ADAMTSL3: variants seen among roughly 807,000 people sequenced by gnomAD.
ADAMTSL3 encodes the protein ADAMTS-like protein 3.
In ADAMTSL3, 128 loss-of-function variants were observed where a neutral mutation model predicts 201.7. The observed-to-expected ratio is 0.63, with a 90% confidence interval of 0.55 to 0.73. The LOEUF is 0.73. Among genes scored for constraint, ADAMTSL3 ranks in the 30% least tolerant of loss-of-function variants. The pLI, the probability that ADAMTSL3 is intolerant of heterozygous loss-of-function variation, is 0.00. For synonymous variants in ADAMTSL3, 738 were observed against 748.4 expected (o/e 0.99, Z 0.23); for missense variants, 1,990 against 2,119.6 (o/e 0.94, Z 1.20).
At position 83,870,843 on chromosome 15, in the gene ADAMTSL3, A is replaced by C. The variant is rs776548526; in HGVS notation, c.844A>C (p.Ser282Arg). 2 of 1,611,450 alleles carry C rather than the reference A, an allele frequency of 1.2e-6. No homozygotes were observed. The highest frequency in any genetic ancestry group is 1.7e-6 in the Non-Finnish European group (2 of 1,179,268). ...ACTTCAAGGAAGCAAAGGAGAACACAGCTTTAACAGCCCCGGCGTCTTTCT... is the reference window on the plus strand; with the variant it reads ...ACTTCAAGGAAGCAAAGGAGAACACCGCTTTAACAGCCCCGGCGTCTTTCT... ...KTLQGSKGEH[S>R]FNSPGVFLVE... The change falls in exon 9 of 30, where the codon AGC becomes CGC. Residue 282 changes from serine to arginine, a missense_variant. Coordinates refer to ENST00000286744, the MANE Select transcript of ADAMTSL3 (RefSeq NM_207517.3).
rs367983052 is a variant in ADAMTSL3 at position 83,764,401 on chromosome 15, CACCCA to C, written c.190-9120_190-9116del. Among the ~76,000 whole-genome samples the C allele has an allele frequency of 4.9e-3, 750 of 152,308 alleles. 4 individuals carry two copies. Among genetic ancestry groups the C allele is most frequent in the African/African-American group, 0.017 (713 of 41,576 alleles). ...CTCCACCCTTCCCTGCCCCGCGCTC[CACCCA>C]ATGGGAAGCTGACCTGCATGGACAG... On this transcript the variant is annotated intron_variant, in intron 3 of 29. Coordinates refer to ENST00000286744, the MANE Select transcript of ADAMTSL3 (RefSeq NM_207517.3).
Position 83,675,593 on chromosome 15 carries a change from T to C in ADAMTSL3, c.69+19763T>C, listed in dbSNP as rs558220149. The stretch of plus-strand genomic sequence containing the variant: ...ATATTCACGTGCTGTTTTCTTTTTT[T>C]TTTTTTTTGTCCTGTCATTGTCTGG... On this transcript the variant is annotated intron_variant, in intron 2 of 29. Coordinates refer to ENST00000286744, the MANE Select transcript of ADAMTSL3 (RefSeq NM_207517.3). Among the ~76,000 whole-genome samples, 4 of 151,646 alleles carry C rather than the reference T, an allele frequency of 2.6e-5. No individual in the cohort carries two copies. In the East Asian group the frequency reaches 5.8e-4, roughly 22 times the overall value.
Position 83,952,805 on chromosome 15 carries a change from C to CA in ADAMTSL3, c.2490+9739dup, listed in dbSNP as rs59518430. Among the ~76,000 whole-genome samples, 346 of 111,644 alleles carry CA rather than the reference C, an allele frequency of 3.1e-3. 1 individual carries two copies. Among genetic ancestry groups the CA allele is most frequent in the Middle Eastern group, 0.012 (3 of 242 alleles). The allele number at this position is 111,644 out of a possible 152,430, so 73.2% of individuals were successfully genotyped here. ...TGGGCGACAGAGTAAGATTCCACCT[C>CA]AAAAAAAAAAAAAAAAGAAAAAAAC... On this transcript the variant is annotated intron_variant, in intron 19 of 29. Transcript: ENST00000286744.
At chr15:83,966,052 A>G (rs191454480) in intron 19 of ADAMTSL3, among the ~76,000 whole-genome samples, 2 of 152,348 alleles carry the variant, frequency 1.3e-5, no homozygotes, top group South Asian at 2.1e-4. Flanking sequence ...AGAGAAATTT[A>G]TAGCACTAAA....
chr15:83,914,217 G>T (rs1205025712), intron 16 of ADAMTSL3, among the ~76,000 whole-genome samples: 2 of 152,106 alleles, frequency 1.3e-5, no homozygotes, highest in African/African-American at 2.4e-5. Context: ...CCAGCCAATG[G>T]TGGGAAAAAC....
chr15:83,797,362 C>T (rs2063443011), intron 4 of ADAMTSL3, among the ~76,000 whole-genome samples: 1 of 152,102 alleles, frequency 6.6e-6, no homozygotes, highest in South Asian at 2.1e-4. Context: ...CCTGTAATCC[C>T]AGCACTTTGG....
chr15:83,924,447 G>A (rs2066211662), intron 17 of ADAMTSL3, among the ~76,000 whole-genome samples: 1 of 152,188 alleles, frequency 6.6e-6, no homozygotes, highest in African/African-American at 2.4e-5. Context: ...TTGAGTGACT[G>A]TGTAATCTCC....
At chr15:83,773,447 T>A in intron 3 of ADAMTSL3, 76 bp from the exon 4 acceptor site, 1 of 1,503,264 alleles carries the variant, frequency 6.7e-7, no homozygotes, top group Non-Finnish European at 9.1e-7. Context: ...TGGGGAAGAT[T>A]TGGGATATTT....
chr15:83,685,027 T>C (rs2061517842), intron 2 of ADAMTSL3, among the ~76,000 whole-genome samples: 1 of 152,208 alleles, frequency 6.6e-6, no homozygotes, highest in Non-Finnish European at 1.5e-5. Context: ...CTTTTTCTTT[T>C]TTGCCAGTTC....
chr15:84,036,640 C>G, intron 28 of ADAMTSL3, 133 bp from the exon 29 acceptor site: 2 of 661,128 alleles, frequency 3.0e-6, no homozygotes, highest in Non-Finnish European at 5.1e-6. Context: ...AGAGGAATGT[C>G]TTGGTCTTAG....
Position 84,037,956 on chromosome 15 carries a change from G to T in ADAMTSL3, c.*150G>T. On this transcript the variant is annotated 3_prime_UTR_variant, in exon 30 of 30. Coordinates refer to ENST00000286744, the MANE Select transcript of ADAMTSL3 (RefSeq NM_207517.3). Reference sequence around the variant, plus strand: ...TTGATGCAAAAACACCACTGTTAAGGTGTAAAGTGAAATTTTCCAATGGTA... The same window carrying T: ...TTGATGCAAAAACACCACTGTTAAGTTGTAAAGTGAAATTTTCCAATGGTA... The T allele has an allele frequency of 8.2e-7, 1 of 1,215,716 alleles. No homozygotes were observed. The highest frequency in any genetic ancestry group is 1.1e-6 in the Non-Finnish European group (1 of 917,246). The allele number at this position is 1,215,716 out of a possible 1,614,324, so 75.3% of individuals were successfully genotyped here. A position where few individuals can be genotyped will look rare whatever the true frequency, so the allele number is the denominator to read the frequency against.
At chr15:83,789,229 T>A (rs2063308416) in intron 4 of ADAMTSL3, among the ~76,000 whole-genome samples, 1 of 152,236 alleles carries the variant, frequency 6.6e-6, no homozygotes, top group Admixed American at 6.5e-5. Flanking sequence ...TTTCACTCTC[T>A]TTACTAAGTA....
At chr15:83,705,618 A>C (rs1388395276) in intron 3 of ADAMTSL3, among the ~76,000 whole-genome samples, 1 of 152,064 alleles carries the variant, frequency 6.6e-6, no homozygotes, top group African/African-American at 2.4e-5. Flanking sequence ...GCAGAGCATC[A>C]GTGGCTGATG....
chr15:84,030,705 G>A (rs1479821466), intron 27 of ADAMTSL3, among the ~76,000 whole-genome samples: 6 of 152,184 alleles, frequency 3.9e-5, no homozygotes, highest in African/African-American at 1.2e-4. Flanking sequence ...ATGTGAAAGG[G>A]ACATGAGATT....
rs1194032697 is a variant in ADAMTSL3, at chr15:83,674,746, C to CATATAT, written c.69+18918_69+18923dup. Among the ~76,000 whole-genome samples the CATATAT allele has an allele frequency of 1.8e-4, 18 of 101,816 alleles. 1 individual carries two copies. Among genetic ancestry groups the CATATAT allele is most frequent in the Non-Finnish European group, 2.3e-4 (11 of 48,714 alleles). The allele number at this position is 101,816 out of a possible 152,430, so 66.8% of individuals were successfully genotyped here. The stretch of plus-strand genomic sequence containing the variant: ...ATATACATATATACACACATATATA[C>CATATAT]ATATATACACACATATATACATATA... On this transcript the variant is annotated intron_variant, in intron 2 of 29. Coordinates refer to ENST00000286744, the MANE Select transcript of ADAMTSL3 (RefSeq NM_207517.3).
intron 2 of ADAMTSL3, among the ~76,000 whole-genome samples, chr15:83,689,608 C>T (rs1010983646): frequency 1.1e-4 from 16 of 152,240 alleles, no homozygotes; most frequent in Non-Finnish European, 1.5e-4. Flanking sequence ...AAATACACCA[C>T]GATTTATTGA....
chr15:83,913,905 C>T (rs969546701), intron 16 of ADAMTSL3, among the ~76,000 whole-genome samples: 2 of 152,116 alleles, frequency 1.3e-5, no homozygotes, highest in Admixed American at 6.6e-5. Flanking sequence ...GTTGTATAGC[C>T]AGGTGACCCC....
intron 3 of ADAMTSL3, among the ~76,000 whole-genome samples, chr15:83,720,298 A>G (rs1228443060): frequency 6.6e-6 from 1 of 152,188 alleles, no homozygotes; most frequent in East Asian, 1.9e-4. Context: ...AAATCAAATA[A>G]TGCAACTTCA....
intron 2 of ADAMTSL3, among the ~76,000 whole-genome samples, chr15:83,674,836 C>G (rs553436066): frequency 6.9e-6 from 1 of 145,252 alleles, no homozygotes; most frequent in Non-Finnish European, 1.5e-5. Flanking sequence ...CTATAGGTCG[C>G]TTTTGGGGGA....
Sources: gnomAD v4.1 joint callset for allele counts (sites outside exome capture counted in the v4.1 genomes callset) on GRCh38, gnomAD v4.1.1 for gene constraint, MANE v1.5 for transcripts, NCBI Gene and HGNC (gene_info 2026-07-23, HGNC 2026-07-21) for gene names.